TRIM33: variants seen among roughly 807,000 people sequenced by gnomAD.
TRIM33 encodes E3 ubiquitin-protein ligase TRIM33.
TRIM33 carries 20 observed loss-of-function variants against 125.4 expected under a neutral mutation model. The observed-to-expected ratio is 0.16, with a 90% CI of 0.11 to 0.23. The LOEUF is 0.23. TRIM33 is among the 10% of genes least tolerant of loss of function. TRIM33 has a pLI of 1.00. For missense variants in TRIM33, 920 were observed against 1,411.4 expected (o/e 0.65, Z 5.58); for synonymous variants, 564 against 513.9 (o/e 1.10, Z -1.32).
At chr1:114,419,952 A>C (rs1572031890) in intron 11 of TRIM33, among the ~76,000 whole-genome samples, 1 of 152,134 alleles carries the variant, frequency 6.6e-6, no homozygotes, top group East Asian at 1.9e-4. Flanking sequence ...GCCCATTAAA[A>C]CCCACTAAAA....
At chr1:114,494,278 G>C (rs1230927966) in intron 1 of TRIM33, among the ~76,000 whole-genome samples, 1 of 152,040 alleles carries the variant, frequency 6.6e-6, no homozygotes, top group Non-Finnish European at 1.5e-5. Flanking sequence ...ATTTTTTGAA[G>C]ATACCAATAT....
intron 1 of TRIM33, among the ~76,000 whole-genome samples, chr1:114,498,631 C>CA (rs1386879071): frequency 4.2e-4 from 59 of 140,632 alleles, no homozygotes; most frequent in East Asian, 8.2e-4. Flanking sequence ...GACTCCATCT[C>CA]AAAAAAAAAA....
chr1:114,477,215 T>A (rs970177998), intron 1 of TRIM33, among the ~76,000 whole-genome samples: 1 of 152,010 alleles, frequency 6.6e-6, no homozygotes, highest in Non-Finnish European at 1.5e-5. Flanking sequence ...TATAAACAGA[T>A]GTTAAAGTGG....
chr1:114,442,507 T>C (rs914885345), intron 4 of TRIM33, among the ~76,000 whole-genome samples: 1 of 151,740 alleles, frequency 6.6e-6, no homozygotes, highest in Non-Finnish European at 1.5e-5. Context: ...CTGGCCAATA[T>C]GGTGAAACTG....
chr1:114,407,741 A>G (rs1431271529), intron 13 of TRIM33, among the ~76,000 whole-genome samples: 1 of 152,210 alleles, frequency 6.6e-6, no homozygotes, highest in Admixed American at 6.5e-5. Flanking sequence ...AGTATGTTTA[A>G]ATATCTCAGT....
intron 1 of TRIM33, among the ~76,000 whole-genome samples, chr1:114,464,773 T>C (rs570760971): frequency 1.2e-4 from 19 of 152,232 alleles, no homozygotes; most frequent in Middle Eastern, 3.4e-3. Context: ...CAAGTGACCT[T>C]ATCAGGGGGA....
chr1:114,433,530 G>T, intron 5 of TRIM33, 87 bp downstream of exon 5: 1 of 766,856 alleles, frequency 1.3e-6, no homozygotes, highest in Non-Finnish European at 2.1e-6. Context: ...TTCTTTATAT[G>T]CTTAATATAG....
In TRIM33 at chr1:114,401,386, C is replaced by T. The variant is rs771556793; in HGVS notation, c.2967+3G>A. 5.4e-5 allele frequency: 87 copies of T among 1,611,360 alleles called. 1 individual carries two copies. The East Asian group carries it at 1.8e-3, about 33-fold the overall frequency. The stretch of plus-strand genomic sequence containing the variant: ...CACCGAGCTACTAAGGTAGGCAACT[C>T]ACCGAAGCAGGAACAGGCTCCTGGA... On this transcript the variant is annotated splice_donor_region_variant and intron_variant, in intron 17 of 19. Coordinates refer to ENST00000358465, the MANE Select transcript of TRIM33 (RefSeq NM_015906.4).
chr1:114,506,319 G>A (rs1268439638), intron 1 of TRIM33, among the ~76,000 whole-genome samples: 1 of 150,306 alleles, frequency 6.7e-6, no homozygotes, highest in Non-Finnish European at 1.5e-5. Flanking sequence ...GGAGGTGGAG[G>A]TTGCAGTGAG....
intron 11 of TRIM33, among the ~76,000 whole-genome samples, chr1:114,414,254 G>GCAA: frequency 6.6e-6 from 1 of 152,094 alleles, no homozygotes; most frequent in Non-Finnish European, 1.5e-5. Flanking sequence ...TAAAAAGTAG[G>GCAA]CAAATCTGAT....
chr1:114,479,909 G>A (rs1004990707), intron 1 of TRIM33, among the ~76,000 whole-genome samples: 23 of 135,714 alleles, frequency 1.7e-4, no homozygotes, highest in South Asian at 2.3e-4. Flanking sequence ...AGGTGGGGGC[G>A]CCTCTGCCCG....
intron 1 of TRIM33, among the ~76,000 whole-genome samples, chr1:114,484,848 G>A (rs945034608): frequency 7.2e-5 from 11 of 152,118 alleles, no homozygotes; most frequent in Admixed American, 1.3e-4. Flanking sequence ...CTGGATGACA[G>A]AGTGAGACTA....
chr1:114,488,192 A>C (rs1399497679), intron 1 of TRIM33, among the ~76,000 whole-genome samples: 1 of 152,178 alleles, frequency 6.6e-6, no homozygotes, highest in Non-Finnish European at 1.5e-5. Context: ...CAAAAACTAT[A>C]AACTACACAA....
intron 1 of TRIM33, among the ~76,000 whole-genome samples, chr1:114,496,800 AT>A (rs1054783735): frequency 5.9e-5 from 9 of 152,256 alleles, no homozygotes; most frequent in Admixed American, 3.9e-4. Flanking sequence ...CCTCATTTTC[AT>A]TTTTTATTTT....
intron 1 of TRIM33, among the ~76,000 whole-genome samples, chr1:114,490,560 A>G (rs925094510): frequency 2.0e-5 from 3 of 152,224 alleles, no homozygotes; most frequent in African/African-American, 4.8e-5. Context: ...AAATGAAAAC[A>G]TATGTTCACA....
chr1:114,429,630 G>GA (rs370027645), intron 6 of TRIM33, among the ~76,000 whole-genome samples: 3,208 of 127,548 alleles, frequency 0.025, 54 homozygotes, highest in South Asian at 0.057. Flanking sequence ...AGATGGGACA[G>GA]AAAAAAAAAA....
At chr1:114,401,259 C>T (rs1191065646) in intron 17 of TRIM33, 130 bp downstream of exon 17, 2 of 505,964 alleles carry the variant, frequency 4.0e-6, no homozygotes, top group African/African-American at 2.0e-5. Flanking sequence ...TTCCTGACCT[C>T]GTGATCCGCC....
chr1:114,405,358 T>G (rs1183021812), intron 15 of TRIM33, 52 bp downstream of exon 15: 8 of 1,405,616 alleles, frequency 5.7e-6, no homozygotes, highest in Non-Finnish European at 7.8e-6. Context: ...CTTCTGTTAT[T>G]TATTTTTAGC....
intron 4 of TRIM33, 125 bp downstream of exon 4, chr1:114,462,979 A>G (rs959645753): frequency 9.9e-6 from 7 of 706,580 alleles, no homozygotes; most frequent in Admixed American, 7.9e-5. Context: ...AGAAATTAAA[A>G]TATGTAAAAT....
Sources: allele counts gnomAD v4.1 joint callset (sites outside exome capture counted in the v4.1 genomes callset), GRCh38; gene constraint gnomAD v4.1.1; transcripts MANE v1.5; gene names NCBI Gene and HGNC (gene_info 2026-07-23, HGNC 2026-07-21).